FARS2: variants seen among roughly 807,000 people sequenced by gnomAD.
The protein encoded by FARS2 is phenylalanine--tRNA ligase, mitochondrial.
In FARS2, 40 loss-of-function variants were observed where a neutral mutation model predicts 46.4. That is an observed-to-expected ratio of 0.86 (90% CI 0.67 to 1.12). FARS2 has a LOEUF of 1.12. Among genes scored for constraint, FARS2 ranks in the 50% most tolerant of loss-of-function variants. FARS2 has a pLI of 0.00. For missense variants in FARS2, 513 were observed against 567.9 expected (o/e 0.90, Z 0.98); for synonymous variants, 234 against 214.9 (o/e 1.09, Z -0.78).
Position 5,479,794 on chromosome 6 carries a change from G to C in FARS2, c.904+48622G>C, listed in dbSNP as rs146318964. Among the ~76,000 whole-genome samples, 238 of 152,300 alleles carry C rather than the reference G, an allele frequency of 1.6e-3. 1 individual carries two copies. Among genetic ancestry groups the C allele is most frequent in the African/African-American group, 5.6e-3 (232 of 41,560 alleles). On this transcript the variant is annotated intron_variant, in intron 4 of 6. Coordinates refer to ENST00000274680, the MANE Select transcript of FARS2 (RefSeq NM_006567.5). ...ACATTACAACTTAATTGTATGGTTA[G>C]GTAACAACTTTAAAGCAGTTAAGCC...
intron 2 of FARS2, among the ~76,000 whole-genome samples, chr6:5,396,762 C>T (rs1290023163): frequency 6.6e-6 from 1 of 152,174 alleles, no homozygotes; most frequent in African/African-American, 2.4e-5. Flanking sequence ...GGCAGCTGAG[C>T]GATCAGGCCT....
At chr6:5,559,215 C>T (rs1771848854) in intron 5 of FARS2, among the ~76,000 whole-genome samples, 1 of 152,058 alleles carries the variant, frequency 6.6e-6, no homozygotes, top group Non-Finnish European at 1.5e-5. Context: ...CCAGCCTGGG[C>T]AACATAGAGA....
At chr6:5,707,536 G>T (rs1214796259) in intron 6 of FARS2, among the ~76,000 whole-genome samples, 2 of 152,200 alleles carry the variant, frequency 1.3e-5, no homozygotes, top group Non-Finnish European at 2.9e-5. Flanking sequence ...GCCAAAACTA[G>T]AGCTCAAGTC....
rs913335550 is a variant in FARS2, at chr6:5,523,766, G to A, written c.905-21414G>A. The stretch of plus-strand genomic sequence containing the variant: ...GTGTTTTCTCAGCTGCACTGCTATA[G>A]CCTTTTCCATTTTGTCTTTACCCTT... On this transcript the variant is annotated intron_variant, in intron 4 of 6. Transcript: ENST00000274680. Among the ~76,000 whole-genome samples the A allele has an allele frequency of 3.3e-5, 5 of 152,158 alleles. No homozygotes were observed. The East Asian group carries it at 5.8e-4, about 18-fold the overall frequency.
intron 5 of FARS2, among the ~76,000 whole-genome samples, chr6:5,607,281 ATGTATGTGTGTGTGTGTGTGTGTG>A (rs1335307647): frequency 1.4e-5 from 2 of 147,396 alleles, no homozygotes; most frequent in African/African-American, 2.6e-5. Context: ...AAAGAATAAT[ATGTATGTGTGTGTGTGTGTGTGTG>A]TGTGTGTGTG....
intron 4 of FARS2, among the ~76,000 whole-genome samples, chr6:5,444,286 G>A (rs972710727): frequency 1.3e-4 from 20 of 152,106 alleles, no homozygotes; most frequent in Non-Finnish European, 2.5e-4. Flanking sequence ...GACCAACATG[G>A]TGAAGCCCCG....
At chr6:5,475,596 C>G (rs1465846015) in intron 4 of FARS2, among the ~76,000 whole-genome samples, 1 of 152,194 alleles carries the variant, frequency 6.6e-6, no homozygotes, top group African/African-American at 2.4e-5. Context: ...GCCTTCAAGG[C>G]TCTGCATCAT....
chr6:5,371,186 G>C (rs1211142927), intron 2 of FARS2: 6 of 984,854 alleles, frequency 6.1e-6, no homozygotes, highest in Non-Finnish European at 7.2e-6. Context: ...ATGGAGAGTG[G>C]AGTCAGAAGA....
intron 4 of FARS2, chr6:5,466,659 A>C (rs1765532908): frequency 1.0e-6 from 1 of 985,298 alleles, no homozygotes; most frequent in Admixed American, 6.1e-5. Flanking sequence ...GCATGCTGGC[A>C]AAGTGACTCA....
chr6:5,444,198 A>G lies in FARS2; in HGVS notation c.904+13026A>G, dbSNP rs149467899. Reference sequence around the variant, plus strand: ...AAAATTTTAGCGCAGGCTGGGTGCAATGGCTCAAGCCTGTAATCCGAGCAC... The same window carrying G: ...AAAATTTTAGCGCAGGCTGGGTGCAGTGGCTCAAGCCTGTAATCCGAGCAC... On this transcript the variant is annotated intron_variant, in intron 4 of 6. Transcript: ENST00000274680. 1.3e-3 allele frequency among the ~76,000 whole-genome samples: 195 copies of G among 151,872 alleles called. 1 individual carries two copies. In the East Asian group the frequency reaches 0.025, roughly 19 times the overall value.
chr6:5,576,784 A>T (rs1773010533), intron 5 of FARS2, among the ~76,000 whole-genome samples: 1 of 151,878 alleles, frequency 6.6e-6, no homozygotes, highest in Admixed American at 6.6e-5. Context: ...AAGATAGTAA[A>T]TACCTAAATA....
chr6:5,640,176 A>G (rs1776744018), intron 6 of FARS2, among the ~76,000 whole-genome samples: 1 of 148,220 alleles, frequency 6.7e-6, no homozygotes, highest in Non-Finnish European at 1.5e-5. Context: ...ACCTGAGAAA[A>G]CGCGCACACA....
intron 3 of FARS2, among the ~76,000 whole-genome samples, chr6:5,407,066 T>TATATATATATATATATATATATATATAA (rs70975905): frequency 0.014 from 1,490 of 108,472 alleles, 79 homozygotes; most frequent in East Asian, 0.022. Context: ...TATATATATA[T>TATATATATATATATATATATATATATAA]AATGACCAAT....
intron 5 of FARS2, among the ~76,000 whole-genome samples, chr6:5,600,395 T>C (rs1363099775): frequency 6.6e-6 from 1 of 152,180 alleles, no homozygotes; most frequent in African/African-American, 2.4e-5. Flanking sequence ...GCCAACACAG[T>C]ATGCTCCTGG....
chr6:5,267,709 G>A (rs1581648862), intron 1 of FARS2, among the ~76,000 whole-genome samples: 2 of 147,834 alleles, frequency 1.4e-5, no homozygotes, highest in Admixed American at 6.8e-5. Context: ...AGCTGAGATC[G>A]CACCACTGCA....
At chr6:5,685,570 G>A (rs1334876298) in intron 6 of FARS2, among the ~76,000 whole-genome samples, 1 of 152,216 alleles carries the variant, frequency 6.6e-6, no homozygotes, top group African/African-American at 2.4e-5. Context: ...GCACAGTGTA[G>A]GCAGAACTTG....
intron 1 of FARS2, among the ~76,000 whole-genome samples, chr6:5,292,169 C>A (rs1380674828): frequency 1.3e-5 from 2 of 152,074 alleles, no homozygotes; most frequent in African/African-American, 4.8e-5. Context: ...GTCTGTATGG[C>A]TGATGTTTCC....
At chr6:5,544,283 C>T (rs1770823753) in intron 4 of FARS2, among the ~76,000 whole-genome samples, 1 of 152,188 alleles carries the variant, frequency 6.6e-6, no homozygotes, top group Non-Finnish European at 1.5e-5. Flanking sequence ...GGCTTAAATT[C>T]CCATTGTGTT....
chr6:5,362,300 T>G (rs374238292), intron 1 of FARS2, among the ~76,000 whole-genome samples: 6 of 152,342 alleles, frequency 3.9e-5, no homozygotes, highest in African/African-American at 1.4e-4. Flanking sequence ...AATACTCTTA[T>G]TACCAATGCA....
Sources: allele counts gnomAD v4.1 joint callset (sites outside exome capture counted in the v4.1 genomes callset), GRCh38; gene constraint gnomAD v4.1.1; transcripts MANE v1.5; gene names NCBI Gene and HGNC (gene_info 2026-07-23, HGNC 2026-07-21).